Variants in SHC3 observed in about 807,000 individuals in gnomAD.
SHC3 encodes SHC adaptor protein 3.
In SHC3, 15 loss-of-function variants were observed where a neutral mutation model predicts 60.4. The ratio of observed to expected loss-of-function variants is 0.25; its 90% CI spans 0.17 to 0.38. SHC3 has a LOEUF of 0.38. Ranked by LOEUF, SHC3 falls within the 10% of genes least tolerant of loss-of-function variation. SHC3 has a pLI of 1.00. For missense variants in SHC3, 677 were observed against 786.1 expected (o/e 0.86, Z 1.66); for synonymous variants, 294 against 325.9 (o/e 0.90, Z 1.05).
At chr9:89,045,021 A>G (rs1824749055) in intron 9 of SHC3, among the ~76,000 whole-genome samples, 1 of 152,182 alleles carries the variant, frequency 6.6e-6, no homozygotes, top group African/African-American at 2.4e-5. Context: ...ACAAGGAAGG[A>G]AAGGCAACAA....
At chr9:89,058,085 T>C (rs1453019674) in intron 6 of SHC3, among the ~76,000 whole-genome samples, 1 of 152,268 alleles carries the variant, frequency 6.6e-6, no homozygotes, top group African/African-American at 2.4e-5. Context: ...GACTCCTGGC[T>C]TCCAGAATGG....
In SHC3 at chr9:89,058,783, T is replaced by A. The variant is rs574733501; in HGVS notation, c.836-6620A>T. Among the ~76,000 whole-genome samples the A allele has an allele frequency of 5.1e-3, 695 of 135,858 alleles. 3 individuals carry two copies. The highest frequency in any genetic ancestry group is 0.019 in the African/African-American group (660 of 35,162). The allele number at this position is 135,858 out of a possible 152,430, so 89.1% of individuals were successfully genotyped here. On this transcript the variant is annotated intron_variant, in intron 6 of 11. Coordinates refer to ENST00000375835, the MANE Select transcript of SHC3 (RefSeq NM_016848.6). ...GTGGTGGAGGATGTGATATAGGATG[T>A]GGTGGAGGATGGTGGTGGAGGACAT...
chr9:89,121,920 G>A (rs74493927), intron 1 of SHC3, among the ~76,000 whole-genome samples: 2,091 of 152,262 alleles, frequency 0.014, 49 homozygotes, highest in African/African-American at 0.045. Context: ...ATAAGAGCTG[G>A]CCAACTTTCA....
At chr9:89,087,047 G>T (rs114607809) in intron 2 of SHC3, among the ~76,000 whole-genome samples, 105 of 152,164 alleles carry the variant, frequency 6.9e-4, no homozygotes, top group African/African-American at 2.4e-3. Flanking sequence ...CCATGCATGC[G>T]CACACCCATC....
intron 4 of SHC3, among the ~76,000 whole-genome samples, chr9:89,072,751 C>T (rs1280334547): frequency 6.6e-6 from 1 of 152,100 alleles, no homozygotes; most frequent in Non-Finnish European, 1.5e-5. Context: ...CCAACATAAC[C>T]AGGTTTAGTT....
intron 1 of SHC3, among the ~76,000 whole-genome samples, chr9:89,133,313 G>A (rs1271168224): frequency 6.6e-6 from 1 of 152,126 alleles, no homozygotes; most frequent in East Asian, 1.9e-4. Context: ...AGTGTTGGTG[G>A]GACTTTAAAC....
At chr9:89,064,802 T>C (rs1485253659) in intron 6 of SHC3, among the ~76,000 whole-genome samples, 1 of 152,208 alleles carries the variant, frequency 6.6e-6, no homozygotes, top group African/African-American at 2.4e-5. Flanking sequence ...AGAGAGGGTA[T>C]GTATACGGAT....
intron 11 of SHC3, among the ~76,000 whole-genome samples, chr9:89,028,450 G>A (rs937301400): frequency 2.3e-4 from 34 of 148,890 alleles, no homozygotes; most frequent in Admixed American, 2.0e-4. Context: ...AGAAAAAAAA[G>A]TTAAACAATT....
intron 2 of SHC3, among the ~76,000 whole-genome samples, chr9:89,081,871 T>A (rs1408171231): frequency 6.6e-6 from 1 of 152,100 alleles, no homozygotes; most frequent in African/African-American, 2.4e-5. Flanking sequence ...CGGAAGAAAG[T>A]GCCTCCTAAC....
rs530648441 is a variant in SHC3 at position 89,073,920 on chromosome 9, C to T, written c.729+1189G>A. On this transcript the variant is annotated intron_variant, in intron 4 of 11. Coordinates refer to ENST00000375835, the MANE Select transcript of SHC3 (RefSeq NM_016848.6). ...AGTCTTGGACCATGCCAGAGAAAGG[C>T]TGAGCCTGGTGAATATTCAGAATCC... Among the ~76,000 whole-genome samples, 90 of 152,334 alleles carry T rather than the reference C, an allele frequency of 5.9e-4. 1 individual carries two copies. Among genetic ancestry groups the T allele is most frequent in the African/African-American group, 1.9e-3 (79 of 41,566 alleles).
intron 2 of SHC3, among the ~76,000 whole-genome samples, chr9:89,097,132 A>C (rs1231509451): frequency 8.8e-6 from 1 of 113,290 alleles, no homozygotes; most frequent in Non-Finnish European, 1.8e-5. Flanking sequence ...AAAAAAAAAA[A>C]AACAAGGCCA....
At chr9:89,156,652 T>C (rs1055537780) in intron 1 of SHC3, among the ~76,000 whole-genome samples, 5 of 152,126 alleles carry the variant, frequency 3.3e-5, no homozygotes, top group Non-Finnish European at 7.3e-5. Flanking sequence ...TCTTAAAATA[T>C]GTCCCTGAGT....
At chr9:89,071,336 T>C in intron 4 of SHC3, 84 bp from the exon 5 acceptor site, 1 of 1,386,880 alleles carries the variant, frequency 7.2e-7, no homozygotes, top group Non-Finnish European at 1.0e-6. Context: ...TGGCAGGCAT[T>C]ACAAATTGAC....
Position 89,042,139 on chromosome 9 carries a change from G to T in SHC3, c.1247C>A (p.Ala416Asp), listed in dbSNP as rs766427214. The change falls in exon 10 of 12, where the codon GCC (alanine) becomes GAC (aspartate). Residue 416 changes from alanine (A) to aspartate (D), a missense_variant. Ala to Asp is a moderately radical substitution (Grantham distance 126). Transcript: ENST00000375835. Reference sequence around the variant, plus strand: ...GTAGGTGGGTGCTTCTCCCGTGGGGGCCACGTGCAGTTTCCCTTCTGGCGT... The same window carrying T: ...GTAGGTGGGTGCTTCTCCCGTGGGGTCCACGTGCAGTTTCCCTTCTGGCGT... ...YSTPEGKLHV[A>D]PTGEAPTYVN... The T allele has an allele frequency of 2.6e-6, 4 of 1,558,934 alleles. No homozygotes were observed. In the South Asian group the frequency reaches 3.7e-5, roughly 14 times the overall value.
chr9:89,049,194 G>A (rs1436193613), intron 7 of SHC3, among the ~76,000 whole-genome samples: 1 of 152,188 alleles, frequency 6.6e-6, no homozygotes, highest in African/African-American at 2.4e-5. Context: ...CCGGTAGGTG[G>A]AGCTTGCAGT....
intron 1 of SHC3, among the ~76,000 whole-genome samples, chr9:89,138,916 G>A (rs1826355809): frequency 6.6e-6 from 1 of 151,960 alleles, no homozygotes; most frequent in Admixed American, 6.6e-5. Context: ...GAGAAAAGGT[G>A]GTATCTGGAA....
rs554284193 is a variant in SHC3 at position 89,063,182 on chromosome 9, T to A, written c.835+2347A>T. On this transcript the variant is annotated intron_variant, in intron 6 of 11. Transcript: ENST00000375835. ...GTCTCGCTCTGTCGCCAGGCTGGAG[T>A]GCAGTGGTGCGATCTCGGCTCACTG... is the stretch of plus-strand genomic sequence containing the variant. Among the ~76,000 whole-genome samples the A allele has an allele frequency of 2.6e-5, 4 of 152,190 alleles. No individual in the cohort carries two copies. In the South Asian group the frequency reaches 8.3e-4, roughly 32 times the overall value.
chr9:89,178,044 C>A lies in SHC3; in HGVS notation c.417G>T (p.Arg139=), dbSNP rs550410351. ...PGDEPLPRPP[R]GAPHASDQVL... ...CCTGGTCGCTGGCGTGCGGCGCCCC[C>A]CGAGGGGGCCTGGGCAGCGGCTCGT... The change falls in exon 1 of 12, where the codon CGG becomes CGT. Residue 139 remains arginine (R), a synonymous_variant. Coordinates refer to ENST00000375835, the MANE Select transcript of SHC3 (RefSeq NM_016848.6). This position sits in a 1 kb window ranked among gnomAD's most constrained non-coding sequence, Gnocchi z 6.9. 2 of 1,228,900 alleles carry A rather than the reference C, an allele frequency of 1.6e-6. No individual in the cohort carries two copies. The highest frequency in any genetic ancestry group is 8.3e-5 in the Admixed American group (2 of 24,070). 76.1% of individuals were successfully genotyped at this position (1,228,900 alleles called of 1,614,324 possible).
At position 89,011,218 on chromosome 9, in the gene SHC3, T is replaced by C. The variant is rs1204403799; in HGVS notation, c.*2229A>G. ...TTTAAATTTTCTAAATTGATTCTCA[T>C]GCAAAAAATATATATATTTTCTATC... On this transcript the variant is annotated 3_prime_UTR_variant, in exon 12 of 12. Transcript: ENST00000375835. 2.6e-5 allele frequency: 4 copies of C among 152,228 alleles called. No individual in the cohort carries two copies. Among genetic ancestry groups the C allele is most frequent in the Non-Finnish European group, 4.4e-5 (3 of 68,030 alleles). The allele number at this position is 152,228 out of a possible 1,614,324, so 9.4% of individuals were successfully genotyped here.
Sources: allele counts gnomAD v4.1 joint callset (sites outside exome capture counted in the v4.1 genomes callset), GRCh38; gene constraint gnomAD v4.1.1; non-coding constraint Gnocchi (gnomAD v3.1); transcripts MANE v1.5; gene names NCBI Gene and HGNC (gene_info 2026-07-23, HGNC 2026-07-21).